PRKG1: variants seen among roughly 807,000 people sequenced by gnomAD.
The protein encoded by PRKG1 is protein kinase cGMP-dependent 1, also known as cGMP-dependent protein kinase 1.
In PRKG1, 35 loss-of-function variants were observed where a neutral mutation model predicts 88.1. The ratio of observed to expected loss-of-function variants is 0.40; its 90% CI spans 0.30 to 0.53. The LOEUF (loss-of-function observed/expected upper bound fraction) is 0.53, where lower values mean the gene tolerates loss of function less well. Among genes scored for constraint, PRKG1 ranks in the 20% least tolerant of loss-of-function variants. The pLI, the probability that PRKG1 is intolerant of heterozygous loss-of-function variation, is 0.59. For synonymous variants in PRKG1, 303 were observed against 292.5 expected (o/e 1.04, Z -0.37); for missense variants, 540 against 839.8 (o/e 0.64, Z 4.41).
intron 5 of PRKG1, among the ~76,000 whole-genome samples, chr10:51,911,475 G>A (rs1210667114): frequency 6.6e-6 from 1 of 152,166 alleles, no homozygotes; most frequent in Non-Finnish European, 1.5e-5. Flanking sequence ...AGTATTTTAT[G>A]TCAGATTTTC....
At chr10:51,214,127 T>A (rs1838308522) in intron 2 of PRKG1, among the ~76,000 whole-genome samples, 1 of 152,208 alleles carries the variant, frequency 6.6e-6, no homozygotes, top group African/African-American at 2.4e-5. Flanking sequence ...GGAATGTTAG[T>A]CTTATGATTC....
At chr10:51,802,100 G>T (rs1475351523) in intron 3 of PRKG1, among the ~76,000 whole-genome samples, 3 of 152,060 alleles carry the variant, frequency 2.0e-5, no homozygotes, top group Non-Finnish European at 2.9e-5. Flanking sequence ...GTAAGTTAAG[G>T]AAGCAATAGA....
At chr10:51,467,641 A>G (rs1267301624) in intron 2 of PRKG1, 82 bp from the exon 3 acceptor site, 1 of 1,110,884 alleles carries the variant, frequency 9.0e-7, no homozygotes, top group Admixed American at 1.9e-5. Flanking sequence ...AATGAGCCTA[A>G]CACTCCTCTT....
intron 2 of PRKG1, among the ~76,000 whole-genome samples, chr10:51,241,472 G>A (rs939466403): frequency 1.3e-5 from 2 of 152,138 alleles, no homozygotes; most frequent in African/African-American, 4.8e-5. Context: ...AATTTAAGCC[G>A]AGGGAGGTAA....
intron 3 of PRKG1, among the ~76,000 whole-genome samples, chr10:51,550,661 C>T (rs947587806): frequency 6.6e-6 from 1 of 151,854 alleles, no homozygotes; most frequent in East Asian, 1.9e-4. Context: ...TTGGAATGGC[C>T]TTACTTAAAA....
chr10:51,456,183 A>G (rs546425179), intron 2 of PRKG1, among the ~76,000 whole-genome samples: 1 of 152,280 alleles, frequency 6.6e-6, no homozygotes. Flanking sequence ...TTATAAAACC[A>G]TCAGATCTCA....
intron 3 of PRKG1, among the ~76,000 whole-genome samples, chr10:51,660,681 A>G (rs192850993): frequency 1.0e-3 from 155 of 152,242 alleles, no homozygotes; most frequent in African/African-American, 3.4e-3. Flanking sequence ...TATTATTGAA[A>G]AAGTTTTCAC....
intron 2 of PRKG1, among the ~76,000 whole-genome samples, chr10:51,427,876 C>A (rs1156934530): frequency 6.6e-6 from 1 of 152,128 alleles, no homozygotes; most frequent in Non-Finnish European, 1.5e-5. Context: ...TGAAGAATAT[C>A]ATAAACACCA....
chr10:51,582,687 C>A (rs1312266843), intron 3 of PRKG1, among the ~76,000 whole-genome samples: 1 of 152,170 alleles, frequency 6.6e-6, no homozygotes, highest in East Asian at 1.9e-4. Context: ...ACCACATTTT[C>A]TTTATCCAGT....
intron 17 of PRKG1, 52 bp downstream of exon 17, chr10:52,290,342 G>T (rs765536563): frequency 3.9e-5 from 55 of 1,426,436 alleles, no homozygotes; most frequent in Non-Finnish European, 5.3e-5. Context: ...TGGTGTTTAT[G>T]TCAGTCAACA....
At chr10:51,000,138 C>A (rs963237598) in intron 1 of PRKG1, among the ~76,000 whole-genome samples, 2 of 152,126 alleles carry the variant, frequency 1.3e-5, no homozygotes, top group Non-Finnish European at 2.9e-5. Context: ...GGTGCCATGA[C>A]AATGGTGTGT....
intron 2 of PRKG1, among the ~76,000 whole-genome samples, chr10:51,426,398 T>C (rs1276987041): frequency 1.3e-5 from 2 of 152,162 alleles, no homozygotes; most frequent in African/African-American, 4.8e-5. Context: ...GAAATGGAGA[T>C]GAATACGAAT....
At chr10:51,008,452 C>T (rs1842961609) in intron 1 of PRKG1, among the ~76,000 whole-genome samples, 1 of 152,180 alleles carries the variant, frequency 6.6e-6, no homozygotes, top group Non-Finnish European at 1.5e-5. Flanking sequence ...CATGCTCTTT[C>T]TGAAAACCCT....
chr10:51,289,299 T>C (rs1033640682), intron 2 of PRKG1, among the ~76,000 whole-genome samples: 1 of 152,152 alleles, frequency 6.6e-6, no homozygotes, highest in African/African-American at 2.4e-5. Context: ...TTACCATGAA[T>C]ACTGGGAGCC....
At chr10:51,374,093 A>AAAAAAATATATATATATATATATATAT in intron 2 of PRKG1, among the ~76,000 whole-genome samples, 72 of 100,052 alleles carry the variant, frequency 7.2e-4, no homozygotes, top group South Asian at 1.3e-3. Flanking sequence ...AAAAAAAAAA[A>AAAAAAATATATATATATATATATATAT]ATATATATAT....
chr10:51,861,796 C>T (rs1410862492), intron 4 of PRKG1, among the ~76,000 whole-genome samples: 2 of 152,216 alleles, frequency 1.3e-5, no homozygotes, highest in Admixed American at 6.5e-5. Context: ...CATCCTGACA[C>T]AGGATCCTCT....
chr10:51,396,600 G>A (rs293227), intron 2 of PRKG1, among the ~76,000 whole-genome samples: 126,349 of 152,204 alleles, frequency 0.83, 52,907 homozygotes, highest in African/African-American at 0.87. Flanking sequence ...CTAACCACAG[G>A]GAGTTGAATC....
At chr10:51,832,047 G>C (rs1840018994) in intron 4 of PRKG1, among the ~76,000 whole-genome samples, 1 of 152,072 alleles carries the variant, frequency 6.6e-6, no homozygotes, top group South Asian at 2.1e-4. Flanking sequence ...GTTAATTTCT[G>C]TAAGACAGGT....
At chr10:51,721,234 A>G (rs1022781175) in intron 3 of PRKG1, among the ~76,000 whole-genome samples, 4 of 144,802 alleles carry the variant, frequency 2.8e-5, no homozygotes, top group African/African-American at 1.1e-4. Flanking sequence ...AAAAAAAAAG[A>G]AAAAAAAAGT....
Sources: gnomAD v4.1 joint callset for allele counts (sites outside exome capture counted in the v4.1 genomes callset) on GRCh38, gnomAD v4.1.1 for gene constraint, MANE v1.5 for transcripts, NCBI Gene and HGNC (gene_info 2026-07-23, HGNC 2026-07-21) for gene names.